MTTP: variants seen among roughly 807,000 people sequenced by gnomAD.
The protein encoded by MTTP is microsomal triglyceride transfer protein large subunit.
MTTP carries 49 observed loss-of-function variants against 90.6 expected under a neutral mutation model. The ratio of observed to expected loss-of-function variants is 0.54; its 90% CI spans 0.43 to 0.69. The LOEUF is 0.69. Ranked by LOEUF, MTTP falls within the 30% of genes least tolerant of loss-of-function variation. The pLI is 0.00. For synonymous variants in MTTP, 347 were observed against 384.2 expected, an observed-to-expected ratio of 0.90 and a Z score of 1.13; for missense variants, 945 against 1,067.5, an observed-to-expected ratio of 0.89 and a Z score of 1.60.
At position 99,622,971 on chromosome 4, in the gene MTTP, A is replaced by G; in HGVS notation, c.*123A>G. The G allele has an allele frequency of 8.1e-7, 1 of 1,236,390 alleles. No homozygotes were observed. The highest frequency in any genetic ancestry group is 1.2e-6 in the Non-Finnish European group (1 of 849,320). The allele number at this position is 1,236,390 out of a possible 1,614,324, so 76.6% of individuals were successfully genotyped here. On this transcript the variant is annotated 3_prime_UTR_variant, in exon 18 of 18. Coordinates refer to ENST00000265517, the MANE Select transcript of MTTP (RefSeq NM_001386140.1). ...TTTACCTGTATTTAAGATTTTTGTA[A>G]AAAGCTACAAAAAACTGCAGTTTGA...
intron 1 of MTTP, among the ~76,000 whole-genome samples, chr4:99,576,511 C>T (rs994134753): frequency 2.6e-5 from 4 of 151,214 alleles, no homozygotes; most frequent in Admixed American, 1.3e-4. Context: ...CCGGCTAAAA[C>T]GGTGAAACCC....
At chr4:99,593,940 C>T (rs1160937211) in intron 6 of MTTP, among the ~76,000 whole-genome samples, 1 of 152,138 alleles carries the variant, frequency 6.6e-6, no homozygotes, top group African/African-American at 2.4e-5. Flanking sequence ...ACAGGCTTGC[C>T]TTGGCCTTGC....
At chr4:99,565,001 AC>A (rs1724635769) in intron 1 of MTTP, among the ~76,000 whole-genome samples, 1 of 152,166 alleles carries the variant, frequency 6.6e-6, no homozygotes, top group South Asian at 2.1e-4. Context: ...CTCATCTCAA[AC>A]CTAAAAGATC....
At chr4:99,611,011 C>G in intron 12 of MTTP, 132 bp from the exon 13 acceptor site, 1 of 862,160 alleles carries the variant, frequency 1.2e-6, no homozygotes, top group African/African-American at 1.7e-5. Context: ...TGGCACCACC[C>G]TGGCTCTTGG....
intron 2 of MTTP, among the ~76,000 whole-genome samples, 170 bp from the exon 3 acceptor site, chr4:99,583,204 T>G (rs984091151): frequency 2.0e-5 from 3 of 152,128 alleles, no homozygotes; most frequent in African/African-American, 7.2e-5. Flanking sequence ...TTAAATACCT[T>G]CTCCATTCTT....
chr4:99,596,850 C>T (rs926784929), intron 7 of MTTP, among the ~76,000 whole-genome samples: 1 of 152,046 alleles, frequency 6.6e-6, no homozygotes, highest in Non-Finnish European at 1.5e-5. Flanking sequence ...TATGAATAGA[C>T]AAAAACAGTC....
rs780797954 is a variant in MTTP, at chr4:99,621,096, A to G, written c.2378A>G (p.Asp793Gly). The change falls in exon 17 of 18, where the codon GAC (aspartate) becomes GGC (glycine). Residue 793 changes from aspartate (D) to glycine (G), a missense_variant. By Grantham distance (94) the Asp-to-Gly change is moderately conservative (BLOSUM62 -1). Coordinates refer to ENST00000265517, the MANE Select transcript of MTTP (RefSeq NM_001386140.1). Reference protein sequence around the residue: ...TVVITTDITVDSSFVKAGLET... With the variant: ...TVVITTDITVGSSFVKAGLET... Reference sequence around the variant, plus strand: ...GTAATAACCACTGACATCACAGTGGACTCCTCTTTTGTGAAAGCTGGCCTG... The same window carrying G: ...GTAATAACCACTGACATCACAGTGGGCTCCTCTTTTGTGAAAGCTGGCCTG... 2.0e-5 allele frequency: 32 copies of G among 1,613,842 alleles called. No homozygotes were observed. The Admixed American group carries it at 2.5e-4, about 13-fold the overall frequency.
intron 1 of MTTP, among the ~76,000 whole-genome samples, chr4:99,568,773 C>A (rs1724765714): frequency 6.6e-6 from 1 of 152,076 alleles, no homozygotes; most frequent in African/African-American, 2.4e-5. Context: ...ACGGGGCCAA[C>A]TGAAGGAACT....
intron 1 of MTTP, among the ~76,000 whole-genome samples, chr4:99,568,693 A>G (rs765898140): frequency 6.6e-6 from 1 of 152,148 alleles, no homozygotes; most frequent in African/African-American, 2.4e-5. Context: ...GCCAGATAAT[A>G]AGGAGATGCT....
Position 99,594,829 on chromosome 4 carries a change from G to T in MTTP, c.855G>T (p.Thr285=). The part of the protein sequence containing the change: ...AIIKAVDSKY[T]AIPIVGQVFQ... ...TCAAAGCAGTTGATTCAAAGTACAC[G>T]GCCATTCCCATTGTGGGGCAGGTCT... The change falls in exon 7 of 18, where the codon ACG becomes ACT. Residue 285 remains threonine, a synonymous_variant. Transcript: ENST00000265517. The T allele has an allele frequency of 6.2e-7, 1 of 1,613,992 alleles. No homozygotes were observed.
intron 3 of MTTP, among the ~76,000 whole-genome samples, chr4:99,586,158 A>G (rs1203211796): frequency 1.3e-5 from 2 of 152,142 alleles, no homozygotes; most frequent in East Asian, 3.9e-4. Context: ...ACATTTTAAA[A>G]GAGAGTCCAT....
chr4:99,583,405 A>C lies in MTTP; in HGVS notation c.281A>C (p.Gln94Pro). ...GATGTAAATGTTGAAAATGTGAATC[A>C]GCAGAGAGGAGAGAAGAGCATCTTC... ...MKDVNVENVN[Q>P]QRGEKSIFKG... Residue 94 changes from glutamine to proline, a missense_variant, in exon 3 of 18, where the codon CAG becomes CCG. Transcript: ENST00000265517. 3.7e-6 allele frequency: 6 copies of C among 1,613,252 alleles called. No individual in the cohort carries two copies. The highest frequency in any genetic ancestry group is 1.1e-5 in the South Asian group (1 of 90,990).
rs1173616031 is a variant in MTTP at position 99,600,747 on chromosome 4, A to G, written c.1236+14A>G. On this transcript the variant is annotated intron_variant, in intron 9 of 17. Coordinates refer to ENST00000265517, the MANE Select transcript of MTTP (RefSeq NM_001386140.1). ...AGAGCCCTCATTGTAAGTCAAATAGAAAATAAAGACCCTCAACTCCTATAA... is the reference window on the plus strand; with the variant it reads ...AGAGCCCTCATTGTAAGTCAAATAGGAAATAAAGACCCTCAACTCCTATAA... 1 of 1,612,204 alleles carries G rather than the reference A, an allele frequency of 6.2e-7. No individual in the cohort carries two copies. Among genetic ancestry groups the G allele is most frequent in the East Asian group, 2.2e-5 (1 of 44,822 alleles).
chr4:99,611,493 A>G (rs1234384002), intron 14 of MTTP, 40 bp downstream of exon 14: 2 of 1,609,596 alleles, frequency 1.2e-6, no homozygotes, highest in Non-Finnish European at 1.7e-6. Context: ...TAAAGTATGC[A>G]AGAAATCAGG....
At chr4:99,566,934 C>T (rs1156244693) in intron 1 of MTTP, among the ~76,000 whole-genome samples, 1 of 143,400 alleles carries the variant, frequency 7.0e-6, no homozygotes, top group Non-Finnish European at 1.5e-5. Context: ...TTAGGATACT[C>T]TTCAGCAAGT....
At chr4:99,610,647 G>A (rs1326094265) in intron 12 of MTTP, among the ~76,000 whole-genome samples, 1 of 152,238 alleles carries the variant, frequency 6.6e-6, no homozygotes, top group East Asian at 1.9e-4. Context: ...TTCTATATGG[G>A]TTTTACTGAG....
intron 11 of MTTP, among the ~76,000 whole-genome samples, chr4:99,608,312 G>A (rs1725868280): frequency 6.6e-6 from 1 of 152,146 alleles, no homozygotes; most frequent in Non-Finnish European, 1.5e-5. Context: ...GGGCATGGTG[G>A]CACACGCCTC....
intron 1 of MTTP, among the ~76,000 whole-genome samples, chr4:99,581,023 T>A (rs894639078): frequency 3.9e-5 from 6 of 152,242 alleles, no homozygotes; most frequent in Admixed American, 3.3e-4. Context: ...GCAACCCCAT[T>A]AGCATTGAGG....
intron 4 of MTTP, among the ~76,000 whole-genome samples, chr4:99,590,493 T>G (rs1725388377): frequency 6.6e-6 from 1 of 152,094 alleles, no homozygotes; most frequent in Non-Finnish European, 1.5e-5. Flanking sequence ...AAGAAGAAAC[T>G]AGAGAAGTTA....
Sources: gnomAD v4.1 joint callset for allele counts (sites outside exome capture counted in the v4.1 genomes callset) on GRCh38, gnomAD v4.1.1 for gene constraint, MANE v1.5 for transcripts, NCBI Gene and HGNC (gene_info 2026-07-23, HGNC 2026-07-21) for gene names.